MXD3: variants seen among roughly 807,000 people sequenced by gnomAD.
MXD3 encodes Max-associated protein 3.
MXD3 carries 20 observed loss-of-function variants against 27.5 expected under a neutral mutation model. The ratio of observed to expected loss-of-function variants is 0.73; its 90% CI spans 0.51 to 1.06. The LOEUF is 1.06. Among genes scored for constraint, MXD3 ranks in the 50% least tolerant of loss-of-function variants. MXD3 has a pLI of 0.00. For synonymous variants in MXD3, 150 were observed against 130.7 expected, an observed-to-expected ratio of 1.15 and a Z score of -1.01; for missense variants, 298 against 291.3, an observed-to-expected ratio of 1.02 and a Z score of -0.17.
At chr5:177,305,670 A>G (rs1760849243), downstream of MXD3, 3 of 587,382 alleles carry the variant, frequency 5.1e-6, no homozygotes, top group Non-Finnish European at 9.1e-6. Context: ...CTAGTTTAAG[A>G]GTCAGAAGAG....
rs771200967 is a variant in MXD3, at chr5:177,307,961, G to A, written c.325C>T (p.Leu109=). The A allele has an allele frequency of 3.2e-6, 5 of 1,549,288 alleles. No individual in the cohort carries two copies. The East Asian group carries it at 9.3e-5, about 29-fold the overall frequency. Reference sequence around the variant, plus strand: ...CGGGCCCGCTGCTCCTGATCCTCCAGCTTCTGCGGATCCCAAAGGAGCAAG... The same window carrying A: ...CGGGCCCGCTGCTCCTGATCCTCCAACTTCTGCGGATCCCAAAGGAGCAAG... The part of the protein sequence containing the change: ...LRRARMHIQK[L]EDQEQRARQL... Residue 109 remains leucine, a synonymous_variant, in exon 5 of 6, where the codon CTG becomes TTG. Transcript: ENST00000439742.
chr5:177,305,753 G>A (rs1251072417), downstream of MXD3: 9 of 825,478 alleles, frequency 1.1e-5, no homozygotes, highest in Admixed American at 1.9e-4. Context: ...TGCAGTCAGG[G>A]GAAGGAATGG....
downstream of MXD3, chr5:177,306,430 C>T (rs1760877808): frequency 6.2e-7 from 1 of 1,613,988 alleles, no homozygotes; most frequent in Non-Finnish European, 8.5e-7. Flanking sequence ...AGGCGAGGCC[C>T]CTTCCAAAAC....
At chr5:177,311,911 A>C, upstream of MXD3, 1 of 1,499,604 alleles carries the variant, frequency 6.7e-7, no homozygotes. Flanking sequence ...AAAGTAACTG[A>C]CACGGTGCAA....
chr5:177,306,417 G>T, downstream of MXD3: 1 of 1,613,912 alleles, frequency 6.2e-7, no homozygotes, highest in South Asian at 1.1e-5. Flanking sequence ...TGCCGTTCGC[G>T]ACAGGCGAGG....
At chr5:177,312,063 AG>A (rs1351863799), upstream of MXD3, 39 of 1,209,230 alleles carry the variant, frequency 3.2e-5, no homozygotes, top group Non-Finnish European at 4.0e-5. Context: ...CAGACTTTCC[AG>A]GGGCAGGTAA....
chr5:177,306,937 C>A, downstream of MXD3: 1 of 888,522 alleles, frequency 1.1e-6, no homozygotes, highest in Non-Finnish European at 1.7e-6. Flanking sequence ...TCAATAAATA[C>A]TTGTTGAATT....
downstream of MXD3, chr5:177,306,065 C>T: frequency 6.2e-7 from 1 of 1,602,692 alleles, no homozygotes; most frequent in Non-Finnish European, 8.6e-7. Flanking sequence ...CAGTGGGCAA[C>T]TCAGTATCCT....
At chr5:177,308,083 C>T (rs1449577945) in intron 4 of MXD3, 119 bp from the exon 5 acceptor site, 9 of 993,604 alleles carry the variant, frequency 9.1e-6, no homozygotes, top group African/African-American at 1.6e-5. Flanking sequence ...GGGCAGGTGG[C>T]GACTAAATCC....
rs373775074 is a variant in MXD3, at chr5:177,307,544, C to A, written c.*44G>T. On this transcript the variant is annotated 3_prime_UTR_variant, in exon 6 of 6. Coordinates refer to ENST00000439742, the MANE Select transcript of MXD3 (RefSeq NM_031300.4). Reference sequence around the variant, plus strand: ...GGAGGGCTCCTGCCTGGCAAGTGGGCCTGGCACGAGTAGAGGGCAGAGGCC... The same window carrying A: ...GGAGGGCTCCTGCCTGGCAAGTGGGACTGGCACGAGTAGAGGGCAGAGGCC... 6 of 1,597,548 alleles carry A rather than the reference C, an allele frequency of 3.8e-6. No individual in the cohort carries two copies. In the African/African-American group the frequency reaches 5.4e-5, roughly 14 times the overall value.
Position 177,307,457 on chromosome 5 carries a change from C to G in MXD3, c.*131G>C, listed in dbSNP as rs761734110. 1.3e-6 allele frequency: 2 copies of G among 1,529,318 alleles called. No homozygotes were observed. The highest frequency in any genetic ancestry group is 2.4e-5 in the East Asian group (1 of 40,852). 94.7% of individuals were successfully genotyped at this position (1,529,318 alleles called of 1,614,324 possible). On this transcript the variant is annotated 3_prime_UTR_variant, in exon 6 of 6. Transcript: ENST00000439742. ...GCAGGGTGTTTGGGGAGCACCTGTT[C>G]CCACACAAGGGTCCTTTTAGTCCAT... is the stretch of plus-strand genomic sequence containing the variant.
upstream of MXD3, chr5:177,312,296 G>C: frequency 2.0e-6 from 2 of 986,440 alleles, no homozygotes; most frequent in Non-Finnish European, 2.4e-6. Flanking sequence ...CCGCGGGGGC[G>C]GGGCCTCCGG....
At chr5:177,308,139 T>G in intron 4 of MXD3, 175 bp from the exon 5 acceptor site, 1 of 616,170 alleles carries the variant, frequency 1.6e-6, no homozygotes, top group East Asian at 2.8e-5. Flanking sequence ...GCCAGCCCCT[T>G]TCCGGCCATG....
At chr5:177,312,338 A>G (rs1581593030), upstream of MXD3, 1 of 985,980 alleles carries the variant, frequency 1.0e-6, no homozygotes, top group South Asian at 4.6e-5. Flanking sequence ...ATGGCTTCTC[A>G]AGGATCGCTG....
chr5:177,308,186 G>T (rs10051822), intron 4 of MXD3: 389,149 of 546,094 alleles, frequency 0.71, 145,169 homozygotes, highest in Non-Finnish European at 0.8. Flanking sequence ...GATTGGGGGT[G>T]GGGGGGCACC....
Position 177,311,841 on chromosome 5 carries a change from G to C in MXD3, c.-11C>G. ...GGCCAAGGGTTCCATGTCGGCGACA[G>C]CTGGCGGCGGGCCGGCCTAGGGTGC... is the stretch of plus-strand genomic sequence containing the variant. On this transcript the variant is annotated 5_prime_UTR_variant, in exon 1 of 6. Transcript: ENST00000439742. 6.2e-7 allele frequency: 1 copy of C among 1,610,282 alleles called. No individual in the cohort carries two copies. The highest frequency in any genetic ancestry group is 8.5e-7 in the Non-Finnish European group (1 of 1,178,238).
At chr5:177,308,894 T>A (rs2127301393) in intron 4 of MXD3, among the ~76,000 whole-genome samples, 2 of 152,262 alleles carry the variant, frequency 1.3e-5, no homozygotes, top group Admixed American at 1.3e-4. Context: ...AGCCCTGAAG[T>A]TCCAAGGACT....
At chr5:177,310,371 G>A in intron 4 of MXD3, 55 bp downstream of exon 4, 1 of 1,434,646 alleles carries the variant, frequency 7.0e-7, no homozygotes, top group Non-Finnish European at 9.6e-7. Context: ...CCCCTCCATA[G>A]CACAGCCCTC....
At chr5:177,311,507 G>T in intron 1 of MXD3, 23 bp from the exon 2 acceptor site, 5 of 1,412,650 alleles carry the variant, frequency 3.5e-6, no homozygotes, top group South Asian at 1.6e-5. Context: ...GTCCCCGCCC[G>T]CGTCAGGCTG....
Sources: allele counts gnomAD v4.1 joint callset (sites outside exome capture counted in the v4.1 genomes callset), GRCh38; gene constraint gnomAD v4.1.1; transcripts MANE v1.5; gene names NCBI Gene and HGNC (gene_info 2026-07-23, HGNC 2026-07-21).